CDH23: variants seen among roughly 807,000 people sequenced by gnomAD.
The protein encoded by CDH23 is cadherin-23.
In CDH23, 189 loss-of-function variants were observed where a neutral mutation model predicts 317.1. The ratio of observed to expected loss-of-function variants is 0.60; its 90% confidence interval spans 0.53 to 0.67. The LOEUF (loss-of-function observed/expected upper bound fraction) is 0.67, where lower values mean the gene tolerates loss of function less well. Among genes scored for constraint, CDH23 ranks in the 30% least tolerant of loss-of-function variants. CDH23 has a pLI of 0.00. For missense variants in CDH23, 4,401 were observed against 4,592.4 expected (o/e 0.96, Z 1.20); for synonymous variants, 1,839 against 1,876.8 (o/e 0.98, Z 0.52).
chr10:71,657,558 A>G (rs1665689), intron 14 of CDH23, among the ~76,000 whole-genome samples: 59,780 of 152,088 alleles, frequency 0.39, 12,130 homozygotes, highest in East Asian at 0.51. Context: ...AGGGCCCAAG[A>G]GGTAGGCCCG....
At chr10:71,683,805 A>G (rs1041460815) in intron 18 of CDH23, among the ~76,000 whole-genome samples, 3 of 152,048 alleles carry the variant, frequency 2.0e-5, no homozygotes, top group Admixed American at 2.0e-4. Context: ...AAACCTTAAA[A>G]CTGACCTGGG....
At chr10:71,592,645 A>G (rs1859571620) in intron 9 of CDH23, among the ~76,000 whole-genome samples, 1 of 152,092 alleles carries the variant, frequency 6.6e-6, no homozygotes, top group African/African-American at 2.4e-5. Context: ...GATTACATTT[A>G]GGGCCCACCC....
At chr10:71,734,973 C>T (rs796235505) in intron 34 of CDH23, among the ~76,000 whole-genome samples, 5 of 152,386 alleles carry the variant, frequency 3.3e-5, no homozygotes, top group African/African-American at 1.2e-4. Flanking sequence ...GGCTGTGTGA[C>T]ACAGGCAAGC....
Position 71,811,972 on chromosome 10 carries a change from G to T in CDH23, c.9337G>T (p.Asp3113Tyr). The change falls in exon 66 of 70, where the codon GAC (aspartate) becomes TAC (tyrosine). Residue 3113 changes from aspartate (D) to tyrosine (Y), a missense_variant. This residue lies in a region of CDH23 where 1,144 missense variants were observed against 1,138.2 expected (regional missense o/e 1.01). Transcript: ENST00000224721. Reference protein sequence around the residue: ...AGSAGNRGFIDIMDMPNTNKY... With the variant: ...AGSAGNRGFIYIMDMPNTNKY... ...CCCTGCAGGGAATCGTGGCTTCATCGACATCATGGACATGCCTAACACCAA... is the reference window on the plus strand; with the variant it reads ...CCCTGCAGGGAATCGTGGCTTCATCTACATCATGGACATGCCTAACACCAA... 1 of 1,608,724 alleles carries T rather than the reference G, an allele frequency of 6.2e-7. No homozygotes were observed.
chr10:71,671,793 C>G (rs1864159723), intron 14 of CDH23, among the ~76,000 whole-genome samples: 1 of 152,336 alleles, frequency 6.6e-6, no homozygotes, highest in Non-Finnish European at 1.5e-5. Flanking sequence ...GAGCAAGTCA[C>G]TTAACACCAC....
rs542473653 is a variant in CDH23 at position 71,790,334 on chromosome 10, A to G, written c.5970A>G (p.Ala1990=). Residue 1990 remains alanine, a synonymous_variant, in exon 46 of 70, where the codon GCA becomes GCG. Transcript: ENST00000224721. ...VLNGPILALD[A]DQDIYAVVTY... is the part of the protein sequence containing the mutation. ...ATGGGCCCATCCTGGCCCTGGATGCAGACCAAGACATCTACGCCGTGGTGA... is the reference window on the plus strand; with the variant it reads ...ATGGGCCCATCCTGGCCCTGGATGCGGACCAAGACATCTACGCCGTGGTGA... 21 of 1,613,900 alleles carry G rather than the reference A, an allele frequency of 1.3e-5. No homozygotes were observed. The East Asian group carries it at 4.7e-4, about 36-fold the overall frequency.
intron 1 of CDH23, among the ~76,000 whole-genome samples, chr10:71,427,669 T>C (rs141976626): frequency 9.2e-4 from 140 of 152,156 alleles, no homozygotes; most frequent in African/African-American, 3.2e-3. Flanking sequence ...TTGTGTATAT[T>C]CTCAGAAGTG....
Position 71,741,758 on chromosome 10 carries a change from G to A in CDH23, c.4682G>A (p.Ser1561Asn). ...ACTGACCGTGACATCGGGATCAACAGTGTTCTGTCCTACTACATCACCGAG... is the reference window on the plus strand; with the variant it reads ...ACTGACCGTGACATCGGGATCAACAATGTTCTGTCCTACTACATCACCGAG... ...RATDRDIGIN[S>N]VLSYYITEGN... Residue 1561 changes from serine to asparagine, a missense_variant, in exon 38 of 70, where the codon AGT (serine) becomes AAT (asparagine). This residue lies in a region of CDH23 where 3,068 missense variants were observed against 3,203.3 expected (regional missense o/e 0.96). Coordinates refer to ENST00000224721, the MANE Select transcript of CDH23 (RefSeq NM_022124.6). 1 of 1,612,808 alleles carries A rather than the reference G, an allele frequency of 6.2e-7. No individual in the cohort carries two copies. Among genetic ancestry groups the A allele is most frequent in the South Asian group, 1.1e-5 (1 of 90,760 alleles).
intron 34 of CDH23, among the ~76,000 whole-genome samples, chr10:71,736,642 G>T (rs1249958536): frequency 4.6e-5 from 7 of 152,158 alleles, no homozygotes; most frequent in African/African-American, 7.2e-5. Flanking sequence ...CCTTCCACTG[G>T]GAAGTCCAGC....
chr10:71,760,968 A>G, intron 38 of CDH23: 1 of 1,596,594 alleles, frequency 6.3e-7, no homozygotes, highest in Non-Finnish European at 8.6e-7. Context: ...TGTCAGGCCC[A>G]GGAGGCCAGG....
chr10:71,813,623 C>A (rs1256807422), intron 69 of CDH23, among the ~76,000 whole-genome samples: 1 of 152,108 alleles, frequency 6.6e-6, no homozygotes, highest in African/African-American at 2.4e-5. Flanking sequence ...TTTAAGAAAC[C>A]CGGCTGGGTG....
chr10:71,630,483 A>G (rs1006299946), intron 11 of CDH23, among the ~76,000 whole-genome samples: 12 of 152,134 alleles, frequency 7.9e-5, no homozygotes, highest in African/African-American at 2.4e-4. Flanking sequence ...GGGAGAGTCA[A>G]TGGGATTTGC....
intron 1 of CDH23, among the ~76,000 whole-genome samples, chr10:71,422,987 CT>C (rs1365933841): frequency 1.3e-5 from 2 of 151,950 alleles, no homozygotes; most frequent in African/African-American, 2.4e-5. Flanking sequence ...TGGCCTCCCT[CT>C]TTCCCTCTCT....
chr10:71,706,957 C>A lies in CDH23; in HGVS notation c.3014C>A (p.Ser1005Tyr). Residue 1005 changes from serine to tyrosine, a missense_variant, in exon 26 of 70, where the codon TCC (serine) becomes TAC (tyrosine). This residue lies in a region of CDH23 where 3,068 missense variants were observed against 3,203.3 expected (regional missense o/e 0.96). Transcript: ENST00000224721. ...CCGGCCGTGTACAATGTGTCTGTGT[C>A]CGAGGACGTGCCACGCGAGTTCCGG... The part of the protein sequence containing the change: ...FFPAVYNVSV[S>Y]EDVPREFRVV... The A allele has an allele frequency of 1.2e-6, 2 of 1,607,300 alleles. No homozygotes were observed. The highest frequency in any genetic ancestry group is 1.7e-6 in the Non-Finnish European group (2 of 1,177,170).
chr10:71,688,688 AAC>A (rs1865020612), intron 19 of CDH23, among the ~76,000 whole-genome samples: 2 of 125,538 alleles, frequency 1.6e-5, no homozygotes, highest in South Asian at 2.8e-4. Context: ...TGGTGGAGCC[AAC>A]GGTGGTGGAG....
chr10:71,517,540 C>T (rs1391676531), intron 6 of CDH23, among the ~76,000 whole-genome samples: 3 of 136,244 alleles, frequency 2.2e-5, no homozygotes, highest in Non-Finnish European at 3.1e-5. Context: ...ACTGCATCCT[C>T]AGGTTGCAGC....
chr10:71,572,789 C>T (rs553039258), intron 8 of CDH23, among the ~76,000 whole-genome samples: 7 of 152,320 alleles, frequency 4.6e-5, no homozygotes, highest in East Asian at 3.9e-4. Context: ...ATTATAGTCT[C>T]GCCTGTAATG....
intron 3 of CDH23, among the ~76,000 whole-genome samples, chr10:71,448,848 C>T (rs76081365): frequency 0.028 from 4,319 of 152,160 alleles, 201 homozygotes; most frequent in African/African-American, 0.091. Flanking sequence ...CTCACATGGA[C>T]GTGTGGGCTC....
chr10:71,663,728 G>A (rs906764029), intron 14 of CDH23, among the ~76,000 whole-genome samples: 2 of 152,200 alleles, frequency 1.3e-5, no homozygotes, highest in African/African-American at 4.8e-5. Flanking sequence ...AATAATGCCT[G>A]GAACCCAGTA....
Sources: allele counts gnomAD v4.1 joint callset (sites outside exome capture counted in the v4.1 genomes callset), GRCh38; gene constraint gnomAD v4.1.1; regional missense constraint gnomAD v4.1.1; transcripts MANE v1.5; gene names NCBI Gene and HGNC (gene_info 2026-07-23, HGNC 2026-07-21).